PSMA1: variants seen among roughly 807,000 people sequenced by gnomAD.
PSMA1 encodes the protein proteasome 20S subunit alpha 1, also known as proteasome subunit alpha type-1.
A neutral mutation model predicts 38.4 loss-of-function variants in PSMA1; 3 were observed. The ratio of observed to expected loss-of-function variants is 0.08; its 90% CI spans 0.04 to 0.20. The LOEUF (loss-of-function observed/expected upper bound fraction) is 0.20, where lower values mean the gene tolerates loss of function less well. Ranked by LOEUF, PSMA1 falls within the 10% of genes least tolerant of loss-of-function variation. The pLI is 1.00. For missense variants in PSMA1, 227 were observed against 325.3 expected, an observed-to-expected ratio of 0.70 and a Z score of 2.32; for synonymous variants, 101 against 107.1, an observed-to-expected ratio of 0.94 and a Z score of 0.35.
intron 2 of PSMA1, among the ~76,000 whole-genome samples, chr11:14,557,061 C>T (rs1022662476): frequency 2.0e-5 from 3 of 152,114 alleles, no homozygotes; most frequent in African/African-American, 7.2e-5. Flanking sequence ...TCTCAAACTC[C>T]TGGCCTCAAG....
chr11:14,524,284 A>G (rs962314408), upstream of PSMA1, among the ~76,000 whole-genome samples: 2 of 152,106 alleles, frequency 1.3e-5, no homozygotes, highest in Non-Finnish European at 2.9e-5. Context: ...AGCTCAAGCT[A>G]AGCCATCATA....
intron 1 of PSMA1, among the ~76,000 whole-genome samples, chr11:14,634,310 C>T (rs1319550763): frequency 6.6e-6 from 1 of 152,106 alleles, no homozygotes; most frequent in Non-Finnish European, 1.5e-5. Flanking sequence ...GTCTTGTTCC[C>T]CACTGACCAT....
At chr11:14,522,223 A>G (rs528273161), upstream of PSMA1, among the ~76,000 whole-genome samples, 1 of 152,318 alleles carries the variant, frequency 6.6e-6, no homozygotes, top group Non-Finnish European at 1.5e-5. Flanking sequence ...ATTATTTTCA[A>G]TAGTCGCATA....
chr11:14,506,267 G>A (rs1733287117), intron 9 of PSMA1, among the ~76,000 whole-genome samples: 1 of 152,062 alleles, frequency 6.6e-6, no homozygotes, highest in Non-Finnish European at 1.5e-5. Flanking sequence ...GCATTGCTCA[G>A]GAATAAAAGC....
intron 2 of PSMA1, among the ~76,000 whole-genome samples, chr11:14,561,497 G>A (rs959618223): frequency 2.0e-5 from 3 of 152,210 alleles, no homozygotes; most frequent in African/African-American, 7.2e-5. Context: ...ACAGTGACTA[G>A]TGTCACTGAT....
At chr11:14,532,233 C>T (rs963185653) in intron 2 of PSMA1, among the ~76,000 whole-genome samples, 1 of 152,136 alleles carries the variant, frequency 6.6e-6, no homozygotes, top group African/African-American at 2.4e-5. Flanking sequence ...ATTATCTATG[C>T]CCTTCCCTAT....
At chr11:14,532,403 G>A (rs149635858) in intron 2 of PSMA1, among the ~76,000 whole-genome samples, 2,495 of 151,902 alleles carry the variant, frequency 0.016, 66 homozygotes, top group African/African-American at 0.057. Flanking sequence ...TCAGGAGTTC[G>A]AGATCAGCCT....
At chr11:14,584,505 T>TG (rs1852319083) in intron 2 of PSMA1, among the ~76,000 whole-genome samples, 1 of 149,544 alleles carries the variant, frequency 6.7e-6, no homozygotes, top group South Asian at 2.1e-4. Flanking sequence ...TTTTTGTTTT[T>TG]TGTTTTTTTT....
chr11:14,548,017 A>AACACAC (rs141234079), intron 2 of PSMA1, among the ~76,000 whole-genome samples: 5 of 149,338 alleles, frequency 3.3e-5, no homozygotes, highest in Non-Finnish European at 7.5e-5. Context: ...CACTATATAC[A>AACACAC]ACACACACAC....
At chr11:14,628,144 G>A (rs1852939977) in intron 1 of PSMA1, among the ~76,000 whole-genome samples, 1 of 152,150 alleles carries the variant, frequency 6.6e-6, no homozygotes, top group African/African-American at 2.4e-5. Context: ...TCTAATGCCT[G>A]ATGATCTGAG....
upstream of PSMA1, chr11:14,520,553 G>T (rs748607813): frequency 5.2e-5 from 67 of 1,295,670 alleles, no homozygotes; most frequent in Non-Finnish European, 6.5e-5. Context: ...CTGGCTGGGA[G>T]TGCCGGCGGC....
chr11:14,537,719 T>TTC (rs1302234809), intron 2 of PSMA1, among the ~76,000 whole-genome samples: 1 of 151,138 alleles, frequency 6.6e-6, no homozygotes, highest in East Asian at 1.9e-4. Flanking sequence ...CCCTTTTTTT[T>TTC]TTTTTTTTAG....
intron 2 of PSMA1, among the ~76,000 whole-genome samples, chr11:14,596,078 C>A (rs557893903): frequency 1.3e-5 from 2 of 152,060 alleles, no homozygotes; most frequent in African/African-American, 4.8e-5. Flanking sequence ...ATTTCTGAAG[C>A]CTCTGTTCTG....
chr11:14,609,252 T>G (rs543894627), intron 2 of PSMA1, among the ~76,000 whole-genome samples: 1 of 152,320 alleles, frequency 6.6e-6, no homozygotes, highest in South Asian at 2.1e-4. Flanking sequence ...CCAAAGACCA[T>G]ATCAAAGTTA....
intron 1 of PSMA1, among the ~76,000 whole-genome samples, chr11:14,628,511 G>A (rs1852949830): frequency 6.7e-6 from 1 of 150,176 alleles, no homozygotes; most frequent in Non-Finnish European, 1.5e-5. Flanking sequence ...CTTTTTTATG[G>A]CTGCATAGTA....
At chr11:14,529,306 G>A (rs183841275) in intron 2 of PSMA1, among the ~76,000 whole-genome samples, 2 of 152,246 alleles carry the variant, frequency 1.3e-5, no homozygotes, top group Admixed American at 6.5e-5. Flanking sequence ...TGTATAGGGT[G>A]CAATTTGTAA....
At chr11:14,542,516 TAA>T (rs1670563255) in intron 2 of PSMA1, among the ~76,000 whole-genome samples, 1 of 152,216 alleles carries the variant, frequency 6.6e-6, no homozygotes, top group African/African-American at 2.4e-5. Context: ...CTCTACCCCC[TAA>T]AACATTTCAC....
At chr11:14,550,736 A>AT (rs58230316) in intron 2 of PSMA1, among the ~76,000 whole-genome samples, 20,126 of 151,752 alleles carry the variant, frequency 0.13, 1,556 homozygotes, top group African/African-American at 0.21. Flanking sequence ...AAACTTCTTA[A>AT]TTTTTTTACG....
At chr11:14,557,290 T>G (rs1026386175) in intron 2 of PSMA1, among the ~76,000 whole-genome samples, 2 of 152,118 alleles carry the variant, frequency 1.3e-5, no homozygotes, top group Admixed American at 6.5e-5. Flanking sequence ...CAGGCTGGAG[T>G]GCAGTAGTGT....
Sources: allele counts gnomAD v4.1 joint callset (sites outside exome capture counted in the v4.1 genomes callset), GRCh38; gene constraint gnomAD v4.1.1; transcripts MANE v1.5; gene names NCBI Gene and HGNC (gene_info 2026-07-23, HGNC 2026-07-21).